LONRF2: variants seen among roughly 807,000 people sequenced by gnomAD.
LONRF2 encodes LON peptidase N-terminal domain and ring finger 2.
A neutral mutation model predicts 66.6 loss-of-function variants in LONRF2; 35 were observed. That is an observed-to-expected ratio of 0.53 (90% CI 0.40 to 0.70). LONRF2 has a LOEUF of 0.70. Ranked by LOEUF, LONRF2 falls within the 30% of genes least tolerant of loss-of-function variation. The pLI is 0.00. For missense variants in LONRF2, 902 were observed against 1,002.1 expected (o/e 0.90, Z 1.35); for synonymous variants, 417 against 418.1 (o/e 1.00, Z 0.03).
intron 10 of LONRF2, among the ~76,000 whole-genome samples, chr2:100,289,585 G>A (rs1450504667): frequency 2.0e-5 from 3 of 148,722 alleles, no homozygotes; most frequent in African/African-American, 4.9e-5. Context: ...ACAGGTGCCC[G>A]CCACCACACA....
At chr2:100,301,916 T>G (rs6542927) in intron 3 of LONRF2, among the ~76,000 whole-genome samples, 28 of 152,210 alleles carry the variant, frequency 1.8e-4, no homozygotes, top group Non-Finnish European at 3.5e-4. Context: ...GTTGAAATGA[T>G]GGCCAAAAAC....
intron 1 of LONRF2, among the ~76,000 whole-genome samples, chr2:100,320,560 T>A (rs1171910897): frequency 2.0e-5 from 3 of 152,210 alleles, no homozygotes; most frequent in Non-Finnish European, 2.9e-5. Context: ...GGTAGTAGAT[T>A]ATTTTAGTAA....
In LONRF2 at chr2:100,321,568, C is replaced by G. The variant is rs765232937; in HGVS notation, c.526G>C (p.Val176Leu). The change falls in exon 1 of 12, where the codon GTG (valine) becomes CTG (leucine). Residue 176 changes from valine (V) to leucine (L), a missense_variant. By Grantham distance (32) the Val-to-Leu change is conservative. Around this residue, in one of 2 missense-constraint regions of LONRF2, gnomAD observed 585 missense variants for 569.9 expected, o/e 1.03. Transcript: ENST00000393437. ...CVEPGPARPQ[V>L]RRVNVVLSGL... ...CTCAGCACCACGTTCACGCGCCGCA[C>G]CTGCGGCCGCGCGGGCCCTGGCTCC... 6.5e-7 allele frequency: 1 copy of G among 1,536,836 alleles called. No homozygotes were observed. Among genetic ancestry groups the G allele is most frequent in the South Asian group, 1.2e-5 (1 of 84,534 alleles).
chr2:100,309,340 A>C (rs959426532), intron 1 of LONRF2, 115 bp from the exon 2 acceptor site: 11 of 486,060 alleles, frequency 2.3e-5, no homozygotes, highest in Non-Finnish European at 3.2e-5. Context: ...GTATAAATAC[A>C]ATACAATACA....
chr2:100,297,291 G>A (rs1195627726), intron 7 of LONRF2, among the ~76,000 whole-genome samples: 1 of 121,284 alleles, frequency 8.2e-6, no homozygotes, highest in East Asian at 2.8e-4. Context: ...ACCATACCTG[G>A]CTAATTTTGT....
At chr2:100,311,676 T>G (rs1675411577) in intron 1 of LONRF2, among the ~76,000 whole-genome samples, 1 of 152,196 alleles carries the variant, frequency 6.6e-6, no homozygotes. Flanking sequence ...AAAATATGTT[T>G]GTTGTAAGTT....
chr2:100,321,655 G>A lies in LONRF2; in HGVS notation c.439C>T (p.Arg147Trp), dbSNP rs540546472. The A allele has an allele frequency of 1.5e-6, 2 of 1,377,042 alleles. No homozygotes were observed. The highest frequency in any genetic ancestry group is 1.5e-5 in the African/African-American group (1 of 66,200). 85.3% of individuals were successfully genotyped at this position (1,377,042 alleles called of 1,614,324 possible). A position where few individuals can be genotyped will look rare whatever the true frequency, so the allele number is the denominator to read the frequency against. ...PRDLLGCPRC[R>W]RLLHKPVTLP... ...GTCACCGGCTTATGCAGCAGCCGCC[G>A]GCAGCGCGGGCAGCCGAGCAGGTCG... Residue 147 changes from arginine (R) to tryptophan (W), a missense_variant, in exon 1 of 12, where the codon CGG (arginine) becomes TGG (tryptophan). By Grantham distance (101) the Arg-to-Trp change is moderately radical (BLOSUM62 -3). Around this residue, in one of 2 missense-constraint regions of LONRF2, gnomAD observed 585 missense variants for 569.9 expected, o/e 1.03. Coordinates refer to ENST00000393437, the MANE Select transcript of LONRF2 (RefSeq NM_198461.4).
intron 1 of LONRF2, among the ~76,000 whole-genome samples, chr2:100,321,098 G>A (rs1675612484): frequency 6.6e-6 from 1 of 152,066 alleles, no homozygotes; most frequent in African/African-American, 2.4e-5. Context: ...AAAATATTTC[G>A]TCATCCTCCC....
Position 100,284,436 on chromosome 2 carries a change from C to T in LONRF2, c.2127G>A (p.Glu709=), listed in dbSNP as rs779956271. Residue 709 remains glutamate, a synonymous_variant, in exon 12 of 12, where the codon GAG becomes GAA. Coordinates refer to ENST00000393437, the MANE Select transcript of LONRF2 (RefSeq NM_198461.4). ...CGAGGATGGCCAGCTGAGCCTTGCG[C>T]TCCAGGGGCAGCACGGCCAGGATCC... ...SWWILAVLPL[E]RKAQLAILGM... The T allele has an allele frequency of 1.2e-5, 19 of 1,608,768 alleles. No homozygotes were observed. Among genetic ancestry groups the T allele is most frequent in the Admixed American group, 6.7e-5 (4 of 59,456 alleles).
intron 11 of LONRF2, among the ~76,000 whole-genome samples, chr2:100,286,077 A>C (rs1674839387): frequency 6.6e-6 from 1 of 152,204 alleles, no homozygotes; most frequent in Non-Finnish European, 1.5e-5. Context: ...GGAAGGACTT[A>C]ATGGCAATTT....
At chr2:100,314,087 A>G (rs1675459195) in intron 1 of LONRF2, among the ~76,000 whole-genome samples, 1 of 152,102 alleles carries the variant, frequency 6.6e-6, no homozygotes, top group Non-Finnish European at 1.5e-5. Flanking sequence ...ACATATTTTG[A>G]TGGACATAAG....
chr2:100,305,042 TAGGGATTCCC>T (rs1442191094), intron 2 of LONRF2, among the ~76,000 whole-genome samples: 1 of 152,284 alleles, frequency 6.6e-6, no homozygotes, highest in African/African-American at 2.4e-5. Context: ...TCTCTGCTTT[TAGGGATTCCC>T]CTAATTTCCA....
In LONRF2 at chr2:100,274,204, T is replaced by G. The variant is rs1674551431; in HGVS notation, c.*10094A>C. 1 of 151,956 alleles carries G rather than the reference T, an allele frequency of 6.6e-6. No individual in the cohort carries two copies. 9.4% of individuals were successfully genotyped at this position (151,956 alleles called of 1,614,324 possible). A position where few individuals can be genotyped will look rare whatever the true frequency, so the allele number is the denominator to read the frequency against. On this transcript the variant is annotated 3_prime_UTR_variant, in exon 12 of 12. Transcript: ENST00000393437. Reference sequence around the variant, plus strand: ...CTCTATTATGATCAGGGCCAATCCTTCACCTCGAGGGCTGTCGTAGTACCC... The same window carrying G: ...CTCTATTATGATCAGGGCCAATCCTGCACCTCGAGGGCTGTCGTAGTACCC...
chr2:100,321,550 C>A lies in LONRF2; in HGVS notation c.544G>T (p.Val182Leu). ...CACTTCTCCAGCAGGCCGCTCAGCA[C>A]CACGTTCACGCGCCGCACCTGCGGC... ...ARPQVRRVNV[V>L]LSGLLEKCFP... The change falls in exon 1 of 12, where the codon GTG becomes TTG. Residue 182 changes from valine to leucine, a missense_variant. By Grantham distance (32) the Val-to-Leu change is conservative. Around this residue, in one of 2 missense-constraint regions of LONRF2, gnomAD observed 585 missense variants for 569.9 expected, o/e 1.03. Coordinates refer to ENST00000393437, the MANE Select transcript of LONRF2 (RefSeq NM_198461.4). 6.5e-7 allele frequency: 1 copy of A among 1,546,846 alleles called. No individual in the cohort carries two copies. The highest frequency in any genetic ancestry group is 8.6e-7 in the Non-Finnish European group (1 of 1,158,626).
chr2:100,307,966 G>A (rs559404050), intron 2 of LONRF2, among the ~76,000 whole-genome samples: 8 of 152,036 alleles, frequency 5.3e-5, no homozygotes, highest in Non-Finnish European at 5.9e-5. Flanking sequence ...AAGCAAACAA[G>A]CAACAAAATA....
At chr2:100,318,735 G>A (rs1384962774) in intron 1 of LONRF2, among the ~76,000 whole-genome samples, 1 of 151,736 alleles carries the variant, frequency 6.6e-6, no homozygotes, top group African/African-American at 2.4e-5. Flanking sequence ...AGAGGCTGAG[G>A]CACGAGAATC....
chr2:100,289,243 G>A (rs752376836), intron 10 of LONRF2, among the ~76,000 whole-genome samples: 93 of 152,130 alleles, frequency 6.1e-4, no homozygotes, highest in Non-Finnish European at 8.5e-4. Context: ...GTCTATGGCT[G>A]CTTTTGCACT....
rs1433240490 is a variant in LONRF2 at position 100,300,633 on chromosome 2, G to A, written c.1065+11C>T. ...ATCAAGAGAATCCTGACAAATGCAT[G>A]CACGTCATACCTCCGAGCTCCCTGC... On this transcript the variant is annotated intron_variant, in intron 4 of 11. Transcript: ENST00000393437. 4.4e-6 allele frequency: 7 copies of A among 1,593,104 alleles called. No individual in the cohort carries two copies. The highest frequency in any genetic ancestry group is 1.4e-5 in the African/African-American group (1 of 73,892).
intron 9 of LONRF2, 133 bp from the exon 10 acceptor site, chr2:100,290,553 G>A (rs1000246426): frequency 3.2e-5 from 28 of 873,802 alleles, no homozygotes; most frequent in Non-Finnish European, 4.8e-5. Context: ...GACCAGCAAG[G>A]TTATTGTCGC....
Sources: gnomAD v4.1 joint callset for allele counts (sites outside exome capture counted in the v4.1 genomes callset) on GRCh38, gnomAD v4.1.1 for gene constraint, gnomAD v4.1.1 regional missense constraint, MANE v1.5 for transcripts, NCBI Gene and HGNC (gene_info 2026-07-23, HGNC 2026-07-21) for gene names.